The following CNTNAP2 variants were observed in gnomAD, a reference collection of about 807,000 sequenced individuals.
CNTNAP2 encodes the protein contactin associated protein 2, also known as contactin-associated protein-like 2.
A neutral mutation model predicts 155.2 loss-of-function variants in CNTNAP2; 98 were observed. The ratio of observed to expected loss-of-function variants is 0.63; its 90% CI spans 0.54 to 0.75. The LOEUF (loss-of-function observed/expected upper bound fraction) is 0.75. Ranked by LOEUF, CNTNAP2 falls within the 30% of genes least tolerant of loss-of-function variation. The pLI, the probability that CNTNAP2 is intolerant of heterozygous loss-of-function variation, is 0.00. For missense variants in CNTNAP2, 1,727 were observed against 1,688.1 expected (o/e 1.02, Z -0.40); for synonymous variants, 651 against 631.2 (o/e 1.03, Z -0.47).
chr7:146,418,136 G>A (rs1795963137), intron 1 of CNTNAP2, among the ~76,000 whole-genome samples: 1 of 152,198 alleles, frequency 6.6e-6, no homozygotes, highest in South Asian at 2.1e-4. Context: ...AGAAGAAGAA[G>A]ATGTGACTTA....
At chr7:148,194,774 C>A (rs1795250184) in intron 18 of CNTNAP2, among the ~76,000 whole-genome samples, 2 of 152,128 alleles carry the variant, frequency 1.3e-5, no homozygotes, top group African/African-American at 2.4e-5. Context: ...GACAACTTAC[C>A]CTTCCTTCAC....
chr7:148,137,682 AAGGAAGGAAG>A (rs1408416263), intron 16 of CNTNAP2, among the ~76,000 whole-genome samples: 122 of 94,744 alleles, frequency 1.3e-3, no homozygotes, highest in African/African-American at 5.1e-3. Context: ...GGAAGGAAGG[AAGGAAGGAAG>A]GAAGGAAGGA....
intron 3 of CNTNAP2, among the ~76,000 whole-genome samples, chr7:146,903,998 A>G (rs1349039401): frequency 6.6e-6 from 1 of 152,212 alleles, no homozygotes; most frequent in Non-Finnish European, 1.5e-5. Context: ...TTATATGTCA[A>G]TTTAAAATAA....
chr7:147,415,135 C>CA (rs1797171112), intron 10 of CNTNAP2, among the ~76,000 whole-genome samples: 1 of 152,010 alleles, frequency 6.6e-6, no homozygotes, highest in African/African-American at 2.4e-5. Context: ...ATACCTCCCT[C>CA]AAAATGTGGT....
At chr7:146,278,004 C>T (rs910581026) in intron 1 of CNTNAP2, among the ~76,000 whole-genome samples, 1 of 152,104 alleles carries the variant, frequency 6.6e-6, no homozygotes, top group Non-Finnish European at 1.5e-5. Context: ...GTAACGGGAT[C>T]GAGCTATGGG....
chr7:146,597,243 A>G (rs1427720791), intron 1 of CNTNAP2, among the ~76,000 whole-genome samples: 1 of 152,040 alleles, frequency 6.6e-6, no homozygotes, highest in Admixed American at 6.6e-5. Flanking sequence ...AGAATTGTAG[A>G]TTTGGATGAG....
chr7:147,949,415 T>C (rs1031723298), intron 14 of CNTNAP2, among the ~76,000 whole-genome samples: 177 of 143,788 alleles, frequency 1.2e-3, no homozygotes, highest in Non-Finnish European at 1.7e-3. Flanking sequence ...AGTTCAAACC[T>C]GTGTTGTTCA....
intron 1 of CNTNAP2, among the ~76,000 whole-genome samples, chr7:146,120,855 T>A (rs1396144435): frequency 6.6e-6 from 1 of 152,186 alleles, no homozygotes; most frequent in East Asian, 1.9e-4. Context: ...TAGTCTATGC[T>A]ATGTGTGTAG....
rs571138266 is a variant in CNTNAP2 at position 146,659,062 on chromosome 7, G to A, written c.98-115209G>A. ...TGGGTACTTCTGGTGGCTGCTGCCA[G>A]AAACCCAATCCCTTGTTTATTCTCT... On this transcript the variant is annotated intron_variant, in intron 1 of 23. Coordinates refer to ENST00000361727, the MANE Select transcript of CNTNAP2 (RefSeq NM_014141.6). 1.4e-4 allele frequency among the ~76,000 whole-genome samples: 22 copies of A among 152,302 alleles called. No homozygotes were observed. In the South Asian group the frequency reaches 4.6e-3, roughly 32 times the overall value.
intron 12 of CNTNAP2, among the ~76,000 whole-genome samples, chr7:147,622,400 T>C (rs760707666): frequency 2.0e-5 from 3 of 151,994 alleles, no homozygotes; most frequent in Non-Finnish European, 4.4e-5. Flanking sequence ...AAAACAAGAC[T>C]TAAAACATTC....
chr7:146,243,234 T>G (rs1799592026), intron 1 of CNTNAP2, among the ~76,000 whole-genome samples: 2 of 152,102 alleles, frequency 1.3e-5, no homozygotes, highest in East Asian at 3.9e-4. Context: ...TAGTACCAAT[T>G]ATTGTCTCAT....
chr7:148,118,237 G>C lies in CNTNAP2; in HGVS notation c.2503G>C (p.Val835Leu). ...FYFKTLTPWG[V>L]FLENMGKEDF... is the part of the protein sequence containing the mutation. ...CTTCAAAACATTAACCCCCTGGGGA[G>C]TGTTTCTTGAAAATATGGGAAAGGA... The change falls in exon 16 of 24, where the codon GTG (valine) becomes CTG (leucine). Residue 835 changes from valine (V) to leucine (L), a missense_variant. Physicochemically the swap from Val to Leu is conservative, Grantham distance 32 (BLOSUM62 1). Coordinates refer to ENST00000361727, the MANE Select transcript of CNTNAP2 (RefSeq NM_014141.6). The C allele has an allele frequency of 1.2e-5, 20 of 1,614,192 alleles. No individual in the cohort carries two copies. Among genetic ancestry groups the C allele is most frequent in the Non-Finnish European group, 1.7e-5 (20 of 1,180,020 alleles).
intron 23 of CNTNAP2, among the ~76,000 whole-genome samples, chr7:148,413,447 TTGCTCC>T (rs1326814151): frequency 1.7e-5 from 2 of 116,150 alleles, no homozygotes; most frequent in African/African-American, 7.0e-5. Context: ...TATATATATA[TTGCTCC>T]ATAGTTTTCT....
intron 8 of CNTNAP2, among the ~76,000 whole-genome samples, chr7:147,166,621 T>G (rs1802119234): frequency 6.6e-6 from 1 of 152,134 alleles, no homozygotes; most frequent in South Asian, 2.1e-4. Flanking sequence ...GCTGTTTATT[T>G]CACCTGGGTG....
intron 3 of CNTNAP2, among the ~76,000 whole-genome samples, chr7:146,940,972 G>T (rs545052234): frequency 2.0e-5 from 3 of 151,916 alleles, no homozygotes; most frequent in Admixed American, 6.6e-5. Context: ...TTTAATTCTA[G>T]CTATTCTTGC....
rs1177237142 is a variant in CNTNAP2 at position 146,936,877 on chromosome 7, C to G, written c.402+96973C>G. 3.9e-5 allele frequency among the ~76,000 whole-genome samples: 6 copies of G among 152,270 alleles called. 1 individual carries two copies. Among genetic ancestry groups the G allele is most frequent in the Admixed American group, 3.9e-4 (6 of 15,292 alleles). On this transcript the variant is annotated intron_variant, in intron 3 of 23. Coordinates refer to ENST00000361727, the MANE Select transcript of CNTNAP2 (RefSeq NM_014141.6). ...CCACCATGTGGCTGTACTAGAGTCT[C>G]TGTGAACCTGCTGTGATTCTGGAGG...
In CNTNAP2 at chr7:147,765,099, A is replaced by C. The variant is rs145526865; in HGVS notation, c.2098+125793A>C. On this transcript the variant is annotated intron_variant, in intron 13 of 23. Transcript: ENST00000361727. ...AAACAGAGTAAGAATAGTTTTCTAA[A>C]ATATGTAGTCAGTCATGTCAAACCT... is the stretch of plus-strand genomic sequence containing the variant. Among the ~76,000 whole-genome samples the C allele has an allele frequency of 3.2e-4, 49 of 152,308 alleles. 1 individual carries two copies. The East Asian group carries it at 8.9e-3, about 28-fold the overall frequency.
At chr7:147,562,445 C>A (rs1293847818) in intron 12 of CNTNAP2, among the ~76,000 whole-genome samples, 188 bp downstream of exon 12, 4 of 152,068 alleles carry the variant, frequency 2.6e-5, no homozygotes, top group Non-Finnish European at 4.4e-5. Flanking sequence ...TGACACTGTG[C>A]TTTTCAAAAA....
intron 22 of CNTNAP2, among the ~76,000 whole-genome samples, chr7:148,399,169 T>C (rs1048731630): frequency 6.6e-6 from 1 of 152,180 alleles, no homozygotes; most frequent in African/African-American, 2.4e-5. Context: ...TGACATACCA[T>C]AATATGCCCG....
Sources: allele counts gnomAD v4.1 joint callset (sites outside exome capture counted in the v4.1 genomes callset), GRCh38; gene constraint gnomAD v4.1.1; transcripts MANE v1.5; gene names NCBI Gene and HGNC (gene_info 2026-07-23, HGNC 2026-07-21).